SLC8A3: variants seen among roughly 807,000 people sequenced by gnomAD.
The protein encoded by SLC8A3 is solute carrier family 8 member A3.
SLC8A3 carries 37 observed loss-of-function variants against 65.4 expected under a neutral mutation model. The observed-to-expected ratio is 0.57, with a 90% CI of 0.44 to 0.74. The LOEUF is 0.74. Ranked by LOEUF, SLC8A3 falls within the 30% of genes least tolerant of loss-of-function variation. The probability of loss-of-function intolerance (pLI) is 0.00; values close to 1 mark genes in which losing one functional copy is unlikely to be tolerated. For missense variants in SLC8A3, 1,112 were observed against 1,172.1 expected, an observed-to-expected ratio of 0.95 and a Z score of 0.75; for synonymous variants, 461 against 444.5, an observed-to-expected ratio of 1.04 and a Z score of -0.47.
At chr14:70,058,169 G>A (rs1324869247) in intron 3 of SLC8A3, among the ~76,000 whole-genome samples, 1 of 151,954 alleles carries the variant, frequency 6.6e-6, no homozygotes, top group African/African-American at 2.4e-5. Flanking sequence ...TAATGCAATT[G>A]TCATTTTGAC....
At chr14:70,179,836 A>G (rs1035364721) in intron 1 of SLC8A3, among the ~76,000 whole-genome samples, 5 of 152,244 alleles carry the variant, frequency 3.3e-5, no homozygotes, top group African/African-American at 9.6e-5. Context: ...CCTTCTTATG[A>G]GGATGATCAT....
At chr14:70,180,139 G>A (rs72625689) in intron 1 of SLC8A3, among the ~76,000 whole-genome samples, 5,607 of 152,294 alleles carry the variant, frequency 0.037, 279 homozygotes, top group East Asian at 0.27. Flanking sequence ...TACCCATGGG[G>A]GAGGCTGACA....
intron 2 of SLC8A3, among the ~76,000 whole-genome samples, chr14:70,120,242 C>A (rs904945309): frequency 6.6e-6 from 1 of 152,192 alleles, no homozygotes; most frequent in African/African-American, 2.4e-5. Context: ...GTTATTTCTG[C>A]AGCTAGCGTG....
chr14:70,140,515 G>A (rs928907476), intron 2 of SLC8A3, among the ~76,000 whole-genome samples: 3 of 152,158 alleles, frequency 2.0e-5, no homozygotes, highest in Non-Finnish European at 1.5e-5. Context: ...TATACTAGGA[G>A]GGACTTAGAG....
intron 2 of SLC8A3, among the ~76,000 whole-genome samples, chr14:70,088,483 T>G (rs538120603): frequency 6.6e-6 from 1 of 152,324 alleles, no homozygotes; most frequent in South Asian, 2.1e-4. Context: ...CTTCTCCTGC[T>G]GCTTCTGACA....
chr14:70,119,959 C>T (rs1893938650), intron 2 of SLC8A3, among the ~76,000 whole-genome samples: 1 of 152,158 alleles, frequency 6.6e-6, no homozygotes. Context: ...TAGGTTGGGC[C>T]ACATGACTGA....
chr14:70,180,627 C>T (rs1882670229), intron 1 of SLC8A3, among the ~76,000 whole-genome samples: 1 of 152,194 alleles, frequency 6.6e-6, no homozygotes, highest in Admixed American at 6.5e-5. Context: ...GGTGGAGCAT[C>T]TAGAAAGCCA....
At chr14:70,135,773 A>G (rs1895156050) in intron 2 of SLC8A3, among the ~76,000 whole-genome samples, 1 of 152,194 alleles carries the variant, frequency 6.6e-6, no homozygotes, top group Non-Finnish European at 1.5e-5. Flanking sequence ...GGACATAAAG[A>G]AAAGTTGGTT....
rs766912474 is a variant in SLC8A3 at position 70,168,029 on chromosome 14, T to C, written c.394A>G (p.Thr132Ala). Residue 132 changes from threonine (T) to alanine (A), a missense_variant, in exon 2 of 7, where the codon ACT becomes GCT. By Grantham distance (58) the Thr-to-Ala change is moderately conservative. Transcript: ENST00000356921. ...GCCATAAGGGTCAGGTTGGAGACAGTTTCATTCCAGACCCGAATAGTGGTT... is the reference window on the plus strand; with the variant it reads ...GCCATAAGGGTCAGGTTGGAGACAGCTTCATTCCAGACCCGAATAGTGGTT... ...STTTIRVWNE[T>A]VSNLTLMALG... 2 of 1,614,114 alleles carry C rather than the reference T, an allele frequency of 1.2e-6. No homozygotes were observed. The highest frequency in any genetic ancestry group is 8.5e-7 in the Non-Finnish European group (1 of 1,180,014).
At chr14:70,183,766 T>G (rs1882950411) in intron 1 of SLC8A3, among the ~76,000 whole-genome samples, 1 of 152,238 alleles carries the variant, frequency 6.6e-6, no homozygotes, top group Non-Finnish European at 1.5e-5. Context: ...AGATAAGCTA[T>G]AAGTCTGCCT....
chr14:70,171,852 GC>G (rs1897562297), intron 1 of SLC8A3, among the ~76,000 whole-genome samples: 1 of 147,110 alleles, frequency 6.8e-6, no homozygotes, highest in South Asian at 2.2e-4. Flanking sequence ...GCTAGTAAAT[GC>G]AGGCACCCAG....
intron 2 of SLC8A3, among the ~76,000 whole-genome samples, chr14:70,084,626 G>C (rs1328299822): frequency 6.6e-6 from 1 of 152,194 alleles, no homozygotes; most frequent in Non-Finnish European, 1.5e-5. Flanking sequence ...AATGTCTAGA[G>C]GGAATGTGGT....
At chr14:70,079,743 C>G (rs898258277) in intron 2 of SLC8A3, among the ~76,000 whole-genome samples, 2 of 152,042 alleles carry the variant, frequency 1.3e-5, no homozygotes, top group African/African-American at 2.4e-5. Flanking sequence ...TAGATAGAAG[C>G]CTTATATTTG....
intron 2 of SLC8A3, among the ~76,000 whole-genome samples, chr14:70,152,582 G>A (rs1300479830): frequency 6.6e-6 from 1 of 151,890 alleles, no homozygotes; most frequent in African/African-American, 2.4e-5. Flanking sequence ...AAGACCAAGG[G>A]ATTTAGCCAT....
chr14:70,102,290 C>T (rs1195959049), intron 2 of SLC8A3, among the ~76,000 whole-genome samples: 1 of 152,164 alleles, frequency 6.6e-6, no homozygotes, highest in African/African-American at 2.4e-5. Flanking sequence ...AAAATAGGCT[C>T]ACTGTAACAA....
chr14:70,091,122 G>A (rs1213380494), intron 2 of SLC8A3, among the ~76,000 whole-genome samples: 5 of 152,308 alleles, frequency 3.3e-5, no homozygotes, highest in Admixed American at 6.5e-5. Flanking sequence ...GCTACAACTC[G>A]CAGCAGGAGA....
chr14:70,163,975 C>A (rs534399037), intron 2 of SLC8A3, among the ~76,000 whole-genome samples: 2 of 152,308 alleles, frequency 1.3e-5, no homozygotes, highest in Admixed American at 6.5e-5. Context: ...CCCAAACTGG[C>A]ATGCTCATTA....
At position 70,144,163 on chromosome 14, in the gene SLC8A3, G is replaced by A. The variant is rs147767538; in HGVS notation, c.1784+22476C>T. Among the ~76,000 whole-genome samples, 318 of 152,198 alleles carry A rather than the reference G, an allele frequency of 2.1e-3. 2 individuals are homozygous for A. Among genetic ancestry groups the A allele is most frequent in the African/African-American group, 7.0e-3 (290 of 41,524 alleles). On this transcript the variant is annotated intron_variant, in intron 2 of 6. Coordinates refer to ENST00000356921, the MANE Select transcript of SLC8A3 (RefSeq NM_182932.3). ...TGGACCCAGACAACGTGGATTGAAA[G>A]CATACATTCTGGTCTATGGGACTGG...
chr14:70,127,863 C>T (rs1894572929), intron 2 of SLC8A3, among the ~76,000 whole-genome samples: 1 of 152,156 alleles, frequency 6.6e-6, no homozygotes, highest in Non-Finnish European at 1.5e-5. Flanking sequence ...TCTAAACTCT[C>T]CCCTTTGGTA....
Sources: gnomAD v4.1 joint callset for allele counts (sites outside exome capture counted in the v4.1 genomes callset) on GRCh38, gnomAD v4.1.1 for gene constraint, MANE v1.5 for transcripts, NCBI Gene and HGNC (gene_info 2026-07-23, HGNC 2026-07-21) for gene names.